Variants in FBXL20 observed in about 807,000 individuals in gnomAD.
The protein encoded by FBXL20 is F-box/LRR-repeat protein 20.
Under a neutral mutation model 64.0 loss-of-function variants are expected in FBXL20, and 11 were observed. The observed-to-expected ratio is 0.17, with a 90% CI of 0.11 to 0.28. The LOEUF (loss-of-function observed/expected upper bound fraction) is 0.28, where lower values mean the gene tolerates loss of function less well. Ranked by LOEUF, FBXL20 falls within the 10% of genes least tolerant of loss-of-function variation. The pLI is 1.00. For missense variants in FBXL20, 303 were observed against 526.2 expected, an observed-to-expected ratio of 0.58 and a Z score of 4.15; for synonymous variants, 184 against 189.0, an observed-to-expected ratio of 0.97 and a Z score of 0.22.
intron 2 of FBXL20, among the ~76,000 whole-genome samples, chr17:39,304,741 G>A (rs2047166255): frequency 6.6e-6 from 1 of 152,110 alleles, no homozygotes; most frequent in South Asian, 2.1e-4. Context: ...AAAGGCGCAT[G>A]CCACCATGCT....
chr17:39,280,413 A>C (rs1473954644), intron 9 of FBXL20, among the ~76,000 whole-genome samples: 2 of 150,794 alleles, frequency 1.3e-5, no homozygotes, highest in East Asian at 3.9e-4. Context: ...AAAAAAAAAA[A>C]AAAAAAAAAG....
At chr17:39,320,526 T>C (rs1179699950) in intron 2 of FBXL20, among the ~76,000 whole-genome samples, 1 of 152,032 alleles carries the variant, frequency 6.6e-6, no homozygotes, top group African/African-American at 2.4e-5. Flanking sequence ...ACTTGTATTA[T>C]ACAGATGGAA....
upstream of FBXL20, chr17:39,401,901 G>C (rs2048250910): frequency 4.9e-6 from 2 of 412,234 alleles, no homozygotes; most frequent in South Asian, 1.3e-4. Context: ...AAGTGCCTGT[G>C]CGTGTGGAAA....
chr17:39,384,447 C>G (rs941636599), intron 1 of FBXL20, among the ~76,000 whole-genome samples: 3 of 151,768 alleles, frequency 2.0e-5, no homozygotes, highest in Admixed American at 6.6e-5. Flanking sequence ...ATCGCTTCAA[C>G]CCGGGAGGCA....
intron 1 of FBXL20, among the ~76,000 whole-genome samples, chr17:39,368,338 A>G (rs1006538268): frequency 2.6e-5 from 4 of 152,172 alleles, no homozygotes; most frequent in Non-Finnish European, 5.9e-5. Flanking sequence ...GCTGCAGTGA[A>G]CTATGATCAC....
At chr17:39,367,520 T>C (rs895678333) in intron 1 of FBXL20, among the ~76,000 whole-genome samples, 1 of 151,760 alleles carries the variant, frequency 6.6e-6, no homozygotes, top group African/African-American at 2.4e-5. Context: ...TTTCACCATG[T>C]TGGCCAGGCT....
intron 12 of FBXL20, 151 bp downstream of exon 12, chr17:39,268,676 T>A: frequency 3.2e-6 from 2 of 616,626 alleles, no homozygotes; most frequent in South Asian, 4.5e-5. Context: ...TGAGCACCTC[T>A]GCCTGGAAGA....
In FBXL20 at chr17:39,310,153, T is replaced by TA. The variant is rs34838706; in HGVS notation, c.105-6515dup. 7.4e-3 allele frequency among the ~76,000 whole-genome samples: 993 copies of TA among 134,674 alleles called. 9 individuals carry two copies. The highest frequency in any genetic ancestry group is 9.1e-3 in the South Asian group (38 of 4,174). 88.4% of individuals were successfully genotyped at this position (134,674 alleles called of 152,430 possible). On this transcript the variant is annotated intron_variant, in intron 2 of 14. Coordinates refer to ENST00000264658, the MANE Select transcript of FBXL20 (RefSeq NM_032875.3). Reference sequence around the variant, plus strand: ...CAGAATGAGACCCTGTCTACAAATTTAAAAAAAAAAAAAAAGAAAAGAAAC... The same window carrying TA: ...CAGAATGAGACCCTGTCTACAAATTTAAAAAAAAAAAAAAAAGAAAAGAAAC...
At chr17:39,296,559 CAAAA>C (rs60002793) in intron 6 of FBXL20, among the ~76,000 whole-genome samples, 10 of 62,158 alleles carry the variant, frequency 1.6e-4, no homozygotes, top group African/African-American at 2.1e-4. Context: ...GACTCTGTCT[CAAAA>C]AAAAAAAAAA....
At chr17:39,384,786 C>G (rs1041372981) in intron 1 of FBXL20, among the ~76,000 whole-genome samples, 2 of 151,840 alleles carry the variant, frequency 1.3e-5, no homozygotes, top group African/African-American at 4.8e-5. Context: ...GGTGAAACCC[C>G]GTCTCTACTA....
intron 6 of FBXL20, among the ~76,000 whole-genome samples, chr17:39,295,187 GTA>G (rs2047073540): frequency 6.6e-6 from 1 of 152,028 alleles, no homozygotes; most frequent in South Asian, 2.1e-4. Flanking sequence ...GTCTACTTCT[GTA>G]TATGTTTCAA....
chr17:39,338,158 T>C lies in FBXL20; in HGVS notation c.104+5022A>G, dbSNP rs1199497755. Among the ~76,000 whole-genome samples, 6 of 152,166 alleles carry C rather than the reference T, an allele frequency of 3.9e-5. No homozygotes were observed. In the East Asian group the frequency reaches 1.2e-3, roughly 29 times the overall value. On this transcript the variant is annotated intron_variant, in intron 2 of 14. Transcript: ENST00000264658. ...GTTGCCGTGTCTGTGTAGAAGGAAG[T>C]AGACATGGGAGACTTTTCATTTTGT... is the stretch of plus-strand genomic sequence containing the variant.
chr17:39,291,683 C>T (rs1249855273), intron 6 of FBXL20, among the ~76,000 whole-genome samples: 4 of 152,038 alleles, frequency 2.6e-5, no homozygotes, highest in East Asian at 1.9e-4. Context: ...GATCCACCTG[C>T]GTCGGCCTCC....
intron 1 of FBXL20, among the ~76,000 whole-genome samples, chr17:39,375,955 T>C (rs2047962963): frequency 6.6e-6 from 1 of 151,890 alleles, no homozygotes; most frequent in South Asian, 2.1e-4. Flanking sequence ...CCGTCTCTAC[T>C]AAAAATACAA....
At chr17:39,303,712 G>T in intron 2 of FBXL20, 73 bp from the exon 3 acceptor site, 5 of 1,328,068 alleles carry the variant, frequency 3.8e-6, no homozygotes, top group South Asian at 1.3e-5. Context: ...TTTGAGACAG[G>T]GTCTCACTCT....
intron 1 of FBXL20, among the ~76,000 whole-genome samples, chr17:39,394,479 G>A (rs1358381595): frequency 2.0e-5 from 3 of 150,898 alleles, no homozygotes; most frequent in Middle Eastern, 3.2e-3. Context: ...GGGTTTCACC[G>A]TGTTAGCCAG....
At chr17:39,305,111 A>C (rs967328972) in intron 2 of FBXL20, among the ~76,000 whole-genome samples, 2 of 152,162 alleles carry the variant, frequency 1.3e-5, no homozygotes, top group Non-Finnish European at 2.9e-5. Flanking sequence ...AAAAAAAGAT[A>C]ATTTAATAAA....
intron 1 of FBXL20, among the ~76,000 whole-genome samples, chr17:39,391,218 A>G (rs1374552895): frequency 1.3e-5 from 2 of 150,872 alleles, no homozygotes; most frequent in African/African-American, 4.9e-5. Flanking sequence ...GGAGTTGGAA[A>G]CCAGCCTGGG....
upstream of FBXL20, chr17:39,401,726 G>C: frequency 9.0e-7 from 1 of 1,111,232 alleles, no homozygotes; most frequent in Non-Finnish European, 1.1e-6. Flanking sequence ...GCCCGGGAGG[G>C]GGAGGGGCGG....
Sources: allele counts gnomAD v4.1 joint callset (sites outside exome capture counted in the v4.1 genomes callset), GRCh38; gene constraint gnomAD v4.1.1; transcripts MANE v1.5; gene names NCBI Gene and HGNC (gene_info 2026-07-23, HGNC 2026-07-21).